The following NOS1AP variants were observed in gnomAD, a reference collection of about 807,000 sequenced individuals.
NOS1AP encodes nitric oxide synthase 1 adaptor protein, also known as carboxyl-terminal PDZ ligand of neuronal nitric oxide synthase protein.
NOS1AP carries 21 observed loss-of-function variants against 56.2 expected under a neutral mutation model. That is an observed-to-expected ratio of 0.37 (90% confidence interval 0.26 to 0.54). The LOEUF is 0.54. Ranked by LOEUF, NOS1AP falls within the 20% of genes least tolerant of loss-of-function variation. NOS1AP has a pLI of 0.84. For synonymous variants in NOS1AP, 270 were observed against 274.6 expected (o/e 0.98, Z 0.17); for missense variants, 522 against 657.8 (o/e 0.79, Z 2.26).
At chr1:162,199,581 C>T (rs1360476467) in intron 2 of NOS1AP, among the ~76,000 whole-genome samples, 1 of 148,932 alleles carries the variant, frequency 6.7e-6, no homozygotes, top group African/African-American at 2.5e-5. Context: ...TTCTGGACAA[C>T]AGAGCATGGA....
intron 2 of NOS1AP, among the ~76,000 whole-genome samples, chr1:162,163,960 G>T (rs1026471954): frequency 7.9e-5 from 12 of 152,194 alleles, no homozygotes; most frequent in Admixed American, 6.5e-5. Context: ...TTAAACTGGG[G>T]CAGAACTGCT....
intron 8 of NOS1AP, chr1:162,361,007 G>C (rs1657885209): frequency 2.3e-6 from 1 of 442,864 alleles, no homozygotes. Context: ...TGGGAAAGCA[G>C]TGTAGAGCTG....
At chr1:162,291,566 T>C (rs1160519755) in intron 3 of NOS1AP, among the ~76,000 whole-genome samples, 3 of 152,172 alleles carry the variant, frequency 2.0e-5, no homozygotes, top group Admixed American at 1.3e-4. Flanking sequence ...ATAGTATTAA[T>C]TGTAGGATTT....
At chr1:162,241,407 G>C (rs1215290888) in intron 2 of NOS1AP, among the ~76,000 whole-genome samples, 1 of 152,176 alleles carries the variant, frequency 6.6e-6, no homozygotes. Context: ...TTCATTTTGG[G>C]AAGAGCATGG....
chr1:162,268,002 G>A (rs753912027), intron 2 of NOS1AP, among the ~76,000 whole-genome samples: 1 of 152,162 alleles, frequency 6.6e-6, no homozygotes, highest in Non-Finnish European at 1.5e-5. Flanking sequence ...GCTCATGCCT[G>A]TAATCCTAGC....
At chr1:162,153,368 GT>G in intron 1 of NOS1AP, among the ~76,000 whole-genome samples, 2 of 152,006 alleles carry the variant, frequency 1.3e-5, no homozygotes, top group Non-Finnish European at 2.9e-5. Context: ...ACCTCAAGTG[GT>G]CTCCTTGCCT....
chr1:162,287,703 C>T (rs1571192120), intron 3 of NOS1AP, among the ~76,000 whole-genome samples: 2 of 152,194 alleles, frequency 1.3e-5, no homozygotes, highest in South Asian at 2.1e-4. Flanking sequence ...AACCCCCCTC[C>T]CCATTTTCAT....
At chr1:162,133,265 A>G (rs910903119) in intron 1 of NOS1AP, among the ~76,000 whole-genome samples, 3 of 152,234 alleles carry the variant, frequency 2.0e-5, no homozygotes, top group African/African-American at 7.2e-5. Flanking sequence ...CTGTGTTGGT[A>G]ATGCTTTCCT....
intron 1 of NOS1AP, among the ~76,000 whole-genome samples, chr1:162,147,287 G>A (rs1009701146): frequency 1.4e-5 from 2 of 138,402 alleles, no homozygotes; most frequent in Middle Eastern, 4.5e-3. Context: ...CTCTGAGATC[G>A]CACCACTGCA....
intron 2 of NOS1AP, among the ~76,000 whole-genome samples, chr1:162,243,693 T>G (rs1377980298): frequency 1.3e-5 from 2 of 152,216 alleles, no homozygotes; most frequent in African/African-American, 4.8e-5. Flanking sequence ...CAGGTAAATA[T>G]TCTTCCTTAA....
intron 1 of NOS1AP, among the ~76,000 whole-genome samples, chr1:162,130,713 G>T (rs998734288): frequency 2.4e-4 from 37 of 152,310 alleles, no homozygotes; most frequent in Middle Eastern, 3.4e-3. Flanking sequence ...ACTTGACTCT[G>T]CAGTCAGCCA....
intron 2 of NOS1AP, among the ~76,000 whole-genome samples, chr1:162,251,838 C>A (rs546981371): frequency 5.5e-4 from 82 of 149,412 alleles, no homozygotes; most frequent in African/African-American, 2.0e-3. Flanking sequence ...CAGGCATGCA[C>A]CACAACACCT....
intron 4 of NOS1AP, among the ~76,000 whole-genome samples, chr1:162,328,577 A>G (rs1254744128): frequency 2.0e-5 from 3 of 152,220 alleles, no homozygotes; most frequent in Non-Finnish European, 2.9e-5. Flanking sequence ...CCTTACTAGC[A>G]TGAGTGAGGT....
chr1:162,189,677 A>C (rs1651557156), intron 2 of NOS1AP, among the ~76,000 whole-genome samples: 1 of 152,234 alleles, frequency 6.6e-6, no homozygotes. Flanking sequence ...GTAACATCAG[A>C]GAGTGGTCAG....
chr1:162,107,795 T>C (rs538793204), intron 1 of NOS1AP, among the ~76,000 whole-genome samples: 50 of 152,366 alleles, frequency 3.3e-4, no homozygotes, highest in Non-Finnish European at 5.7e-4. Flanking sequence ...TGTATATCCC[T>C]ATCGGCGTGT....
At chr1:162,154,560 A>G (rs962387543) in intron 2 of NOS1AP, 84 bp downstream of exon 2, 5 of 1,292,396 alleles carry the variant, frequency 3.9e-6, no homozygotes, top group African/African-American at 1.5e-5. Flanking sequence ...GGAGGGGCCA[A>G]AATGGATGGC....
At chr1:162,365,732 T>A (rs1397449865) in intron 9 of NOS1AP, among the ~76,000 whole-genome samples, 163 bp downstream of exon 9, 6 of 152,134 alleles carry the variant, frequency 3.9e-5, no homozygotes, top group African/African-American at 1.4e-4. Context: ...ACTTAATGAA[T>A]TACAGAATCA....
At chr1:162,139,391 A>C (rs929613211) in intron 1 of NOS1AP, among the ~76,000 whole-genome samples, 1 of 152,184 alleles carries the variant, frequency 6.6e-6, no homozygotes, top group African/African-American at 2.4e-5. Context: ...CCTAGACACT[A>C]TCTATCAGGG....
At chr1:162,203,015 G>A (rs550816732) in intron 2 of NOS1AP, among the ~76,000 whole-genome samples, 18 of 152,168 alleles carry the variant, frequency 1.2e-4, no homozygotes, top group African/African-American at 3.9e-4. Context: ...GTGTGTCGGC[G>A]GGAGGGGTGT....
Sources: gnomAD v4.1 joint callset for allele counts (sites outside exome capture counted in the v4.1 genomes callset) on GRCh38, gnomAD v4.1.1 for gene constraint, MANE v1.5 for transcripts, NCBI Gene and HGNC (gene_info 2026-07-23, HGNC 2026-07-21) for gene names.